Variants in LAMA2 observed in about 807,000 individuals in gnomAD.
LAMA2 encodes laminin subunit alpha 2.
A neutral mutation model predicts 364.8 loss-of-function variants in LAMA2; 269 were observed. That is an observed-to-expected ratio of 0.74 (90% CI 0.67 to 0.82). LAMA2 has a LOEUF of 0.82. Ranked by LOEUF, LAMA2 falls within the 40% of genes least tolerant of loss-of-function variation. The pLI is 0.00. For synonymous variants in LAMA2, 1,379 were observed against 1,370.6 expected (o/e 1.01, Z -0.14); for missense variants, 3,807 against 3,873.2 (o/e 0.98, Z 0.45).
intron 3 of LAMA2, among the ~76,000 whole-genome samples, chr6:129,075,636 C>T (rs1773585554): frequency 6.6e-6 from 1 of 152,032 alleles, no homozygotes; most frequent in South Asian, 2.1e-4. Context: ...CGGCATCACC[C>T]GAATTGATGG....
chr6:129,033,812 A>G (rs908999106), intron 1 of LAMA2, among the ~76,000 whole-genome samples: 1 of 151,686 alleles, frequency 6.6e-6, no homozygotes, highest in Non-Finnish European at 1.5e-5. Flanking sequence ...GAAGCAGTCT[A>G]TTTCTCTCCA....
At chr6:129,428,007 T>G (rs1781409271) in intron 41 of LAMA2, among the ~76,000 whole-genome samples, 153 bp downstream of exon 41, 1 of 152,264 alleles carries the variant, frequency 6.6e-6, no homozygotes, top group South Asian at 2.1e-4. Flanking sequence ...CTCACTAGTT[T>G]TACAAAATGT....
At chr6:129,187,898 T>C (rs1371387838) in intron 10 of LAMA2, among the ~76,000 whole-genome samples, 1 of 151,832 alleles carries the variant, frequency 6.6e-6, no homozygotes, top group African/African-American at 2.4e-5. Context: ...GAAAAATAAA[T>C]AATGAATAAA....
In LAMA2 at chr6:129,106,637, T is replaced by C. The variant is rs999566185; in HGVS notation, c.639+8222T>C. 1.7e-4 allele frequency among the ~76,000 whole-genome samples: 26 copies of C among 151,912 alleles called. 1 individual carries two copies. The stretch of plus-strand genomic sequence containing the variant: ...ATTAAAGTACCTCCTTACAGTGAGG[T>C]TTATATGGAGTCCTCTAAAAAATGA... On this transcript the variant is annotated intron_variant, in intron 4 of 64. Transcript: ENST00000421865.
At position 129,440,922 on chromosome 6, in the gene LAMA2, C is replaced by T; in HGVS notation, c.6192C>T (p.Gly2064=). Residue 2064 remains glycine, a synonymous_variant, in exon 43 of 65, where the codon GGC becomes GGT. Coordinates refer to ENST00000421865, the MANE Select transcript of LAMA2 (RefSeq NM_000426.4). Reference sequence around the variant, plus strand: ...CAGAGCTCCACCAGAACCTCGATGGCCTGAAGAAGAATTACAATAAACTAG... The same window carrying T: ...CAGAGCTCCACCAGAACCTCGATGGTCTGAAGAAGAATTACAATAAACTAG... ...QITELHQNLD[G]LKKNYNKLAD... 6.2e-7 allele frequency: 1 copy of T among 1,613,830 alleles called. No homozygotes were observed. The highest frequency in any genetic ancestry group is 8.5e-7 in the Non-Finnish European group (1 of 1,179,800).
intron 37 of LAMA2, 143 bp from the exon 38 acceptor site, chr6:129,401,081 A>G: frequency 2.7e-6 from 2 of 737,232 alleles, no homozygotes; most frequent in Non-Finnish European, 4.9e-6. Context: ...TAAGTAGTTT[A>G]TATTTTTCTC....
chr6:128,971,949 T>G (rs1782214942), intron 1 of LAMA2, among the ~76,000 whole-genome samples: 1 of 152,094 alleles, frequency 6.6e-6, no homozygotes. Context: ...CTGCAAGCCA[T>G]TAGCAGCCAA....
chr6:129,471,423 A>G (rs1783803483), intron 51 of LAMA2, among the ~76,000 whole-genome samples: 1 of 151,936 alleles, frequency 6.6e-6, no homozygotes, highest in Non-Finnish European at 1.5e-5. Context: ...AATGATTTCT[A>G]AAAATGCATA....
At chr6:129,237,483 T>C (rs1785071458) in intron 12 of LAMA2, among the ~76,000 whole-genome samples, 1 of 151,772 alleles carries the variant, frequency 6.6e-6, no homozygotes, top group South Asian at 2.1e-4. Context: ...TTACAGGTGC[T>C]TGCCACCATG....
In LAMA2 at chr6:128,912,992, G is replaced by T. The variant is rs546611059; in HGVS notation, c.112+29635G>T. ...TAAGTTAAAACAGGGTTGACAAATT[G>T]GGAGAACACAGGATTAAGGGACTGG... is the stretch of plus-strand genomic sequence containing the variant. On this transcript the variant is annotated intron_variant, in intron 1 of 64. Coordinates refer to ENST00000421865, the MANE Select transcript of LAMA2 (RefSeq NM_000426.4). 3.3e-5 allele frequency among the ~76,000 whole-genome samples: 5 copies of T among 152,230 alleles called. No homozygotes were observed. The East Asian group carries it at 7.7e-4, about 23-fold the overall frequency.
chr6:129,438,054 A>T (rs940100026), intron 41 of LAMA2, among the ~76,000 whole-genome samples: 1 of 151,652 alleles, frequency 6.6e-6, no homozygotes, highest in African/African-American at 2.4e-5. Context: ...AGAGAAAAAA[A>T]CTATATAAAA....
chr6:129,284,581 C>A (rs1279677388), intron 18 of LAMA2, among the ~76,000 whole-genome samples: 1 of 151,976 alleles, frequency 6.6e-6, no homozygotes, highest in East Asian at 1.9e-4. Context: ...ATTAAGCCAG[C>A]ATTATATTGT....
At chr6:129,494,305 A>AT (rs1339545218) in intron 58 of LAMA2, among the ~76,000 whole-genome samples, 2 of 152,272 alleles carry the variant, frequency 1.3e-5, no homozygotes, top group Non-Finnish European at 1.5e-5. Context: ...AGAAATAGTT[A>AT]TTCAATGAGA....
rs750328754 is a variant in LAMA2 at position 129,505,341 on chromosome 6, C to G, written c.8689C>G (p.Arg2897Gly). 28 of 1,612,842 alleles carry G rather than the reference C, an allele frequency of 1.7e-5. No individual in the cohort carries two copies. The highest frequency in any genetic ancestry group is 2.4e-5 in the Non-Finnish European group (28 of 1,179,026). ...TGGGTTACCCATCAACTACACTACCCGAAGAATTGGTCCAGTAAATATCTG... is the reference window on the plus strand; with the variant it reads ...TGGGTTACCCATCAACTACACTACCGGAAGAATTGGTCCAGTAAATATCTG... ...VGGLPINYTT[R>G]RIGPVTYSID... Residue 2897 changes from arginine (R) to glycine (G), a missense_variant, in exon 61 of 65, where the codon CGA (arginine) becomes GGA (glycine). By Grantham distance (125) the Arg-to-Gly change is moderately radical. Coordinates refer to ENST00000421865, the MANE Select transcript of LAMA2 (RefSeq NM_000426.4).
intron 30 of LAMA2, 59 bp downstream of exon 30, chr6:129,342,526 G>A (rs1776326629): frequency 3.2e-6 from 5 of 1,556,682 alleles, no homozygotes; most frequent in African/African-American, 1.4e-5. Context: ...TCTAGCACAT[G>A]GGCTGTCTAT....
At chr6:129,392,235 A>G (rs373992169) in intron 36 of LAMA2, among the ~76,000 whole-genome samples, 2 of 152,214 alleles carry the variant, frequency 1.3e-5, no homozygotes, top group African/African-American at 4.8e-5. Flanking sequence ...TAACGCACTC[A>G]ATAAAATAGA....
chr6:129,382,102 G>A (rs112047695), intron 34 of LAMA2, among the ~76,000 whole-genome samples: 1 of 152,088 alleles, frequency 6.6e-6, no homozygotes, highest in Non-Finnish European at 1.5e-5. Flanking sequence ...AAGCACTCTG[G>A]TACAAGATTC....
chr6:129,087,563 A>G (rs1242281314), intron 3 of LAMA2, among the ~76,000 whole-genome samples: 1 of 152,190 alleles, frequency 6.6e-6, no homozygotes, highest in Non-Finnish European at 1.5e-5. Flanking sequence ...TTAAAAGAAA[A>G]TCTCTAAATT....
At chr6:128,957,971 C>T (rs906088133) in intron 1 of LAMA2, among the ~76,000 whole-genome samples, 2 of 151,166 alleles carry the variant, frequency 1.3e-5, no homozygotes, top group Middle Eastern at 3.2e-3. Flanking sequence ...TCCTATTAGC[C>T]CATACAGGGA....
Sources: gnomAD v4.1 joint callset for allele counts (sites outside exome capture counted in the v4.1 genomes callset) on GRCh38, gnomAD v4.1.1 for gene constraint, MANE v1.5 for transcripts, NCBI Gene and HGNC (gene_info 2026-07-23, HGNC 2026-07-21) for gene names.